The following ZNF493 variants were observed in gnomAD, a reference collection of about 807,000 sequenced individuals.
ZNF493 encodes zinc finger protein 493.
A neutral mutation model predicts 12.2 loss-of-function variants in ZNF493; 11 were observed. The observed-to-expected ratio is 0.90, with a 90% CI of 0.57 to 1.50. The LOEUF is 1.50. ZNF493 is among the 40% of genes most tolerant of loss of function. The probability of loss-of-function intolerance (pLI) is 0.00; values close to 1 mark genes in which losing one functional copy is unlikely to be tolerated. For missense variants in ZNF493, 950 were observed against 906.6 expected (o/e 1.05, Z -0.61); for synonymous variants, 286 against 302.6 (o/e 0.95, Z 0.57).
At chr19:21,417,667 A>G (rs1056758900) in intron 3 of ZNF493, among the ~76,000 whole-genome samples, 5 of 152,146 alleles carry the variant, frequency 3.3e-5, no homozygotes, top group African/African-American at 7.2e-5. Flanking sequence ...ATCATCCTGC[A>G]TGACCAGTTG....
intron 1 of ZNF493, among the ~76,000 whole-genome samples, chr19:21,402,792 C>T (rs983463518): frequency 2.6e-5 from 4 of 152,146 alleles, no homozygotes; most frequent in African/African-American, 9.7e-5. Context: ...ATGACAGAAT[C>T]TATAAGTGTA....
At chr19:21,421,400 T>C (rs2030675089) in intron 3 of ZNF493, among the ~76,000 whole-genome samples, 1 of 152,096 alleles carries the variant, frequency 6.6e-6, no homozygotes, top group Non-Finnish European at 1.5e-5. Context: ...AGTTTTGCAC[T>C]TGTTGCCCAG....
At chr19:21,412,587 T>G (rs2030360229) in intron 3 of ZNF493, 1 of 157,966 alleles carries the variant, frequency 6.3e-6, no homozygotes, top group South Asian at 1.7e-4. Flanking sequence ...GGTGAGCTAC[T>G]TCTCGCAGGA....
In ZNF493 at chr19:21,425,863, G is replaced by A; in HGVS notation, c.*879G>A. ...TGGAGAGAAACCATACAACTGTGAAGAATGTGGCAAAGCTTTTAACCAGTC... is the reference window on the plus strand; with the variant it reads ...TGGAGAGAAACCATACAACTGTGAAAAATGTGGCAAAGCTTTTAACCAGTC... On this transcript the variant is annotated 3_prime_UTR_variant, in exon 4 of 4. Coordinates refer to ENST00000392288, the MANE Select transcript of ZNF493 (RefSeq NM_001076678.3). 3.4e-6 allele frequency: 2 copies of A among 581,364 alleles called. No homozygotes were observed. Among genetic ancestry groups the A allele is most frequent in the Non-Finnish European group, 6.6e-6 (2 of 302,740 alleles). 36.0% of individuals were successfully genotyped at this position (581,364 alleles called of 1,614,324 possible). A position where few individuals can be genotyped will look rare whatever the true frequency, so the allele number is the denominator to read the frequency against.
chr19:21,403,397 G>A (rs775375186), intron 1 of ZNF493, among the ~76,000 whole-genome samples: 7 of 152,202 alleles, frequency 4.6e-5, no homozygotes, highest in Non-Finnish European at 7.3e-5. Context: ...TTTGTGGCAA[G>A]GGCAGGCACA....
chr19:21,397,847 T>A (rs896731273), intron 1 of ZNF493: 1 of 157,078 alleles, frequency 6.4e-6, no homozygotes, highest in African/African-American at 2.4e-5. Context: ...ACATGGTTTC[T>A]TAATATGTGC....
intron 3 of ZNF493, among the ~76,000 whole-genome samples, chr19:21,421,315 TTGAG>T (rs1245414651): frequency 6.6e-6 from 1 of 152,154 alleles, no homozygotes; most frequent in East Asian, 1.9e-4. Context: ...ATTTCACTCA[TTGAG>T]TGTTACTGAA....
chr19:21,415,637 A>C (rs1479504283), intron 3 of ZNF493, among the ~76,000 whole-genome samples: 1 of 152,224 alleles, frequency 6.6e-6, no homozygotes, highest in Non-Finnish European at 1.5e-5. Flanking sequence ...TGAATAATGT[A>C]ACACTGTGAA....
intron 3 of ZNF493, among the ~76,000 whole-genome samples, chr19:21,411,747 A>T (rs763497916): frequency 3.4e-5 from 5 of 146,706 alleles, no homozygotes; most frequent in Admixed American, 7.1e-5. Flanking sequence ...ATGTTTTTGC[A>T]ATAAAACTGT....
rs746447403 is a variant in ZNF493, at chr19:21,425,097, C to T, written c.*113C>T. 7.9e-7 allele frequency: 1 copy of T among 1,261,868 alleles called. No individual in the cohort carries two copies. 78.2% of individuals were successfully genotyped at this position (1,261,868 alleles called of 1,614,324 possible). A position where few individuals can be genotyped will look rare whatever the true frequency, so the allele number is the denominator to read the frequency against. The stretch of plus-strand genomic sequence containing the variant: ...TAAGATAATTAATGCTGGAGAGAAA[C>T]CCTACAAATGTGAAGAATGTGGCAA... On this transcript the variant is annotated 3_prime_UTR_variant, in exon 4 of 4. Transcript: ENST00000392288.
At chr19:21,403,865 A>G (rs2030030532) in intron 1 of ZNF493, among the ~76,000 whole-genome samples, 1 of 151,678 alleles carries the variant, frequency 6.6e-6, no homozygotes, top group African/African-American at 2.4e-5. Context: ...CCTTCTCTAC[A>G]CTCTCTAAAT....
At chr19:21,415,020 A>C (rs1306065603) in intron 3 of ZNF493, among the ~76,000 whole-genome samples, 1 of 152,180 alleles carries the variant, frequency 6.6e-6, no homozygotes, top group African/African-American at 2.4e-5. Context: ...TTCCAGGATC[A>C]TATCTGTGTA....
intron 3 of ZNF493, among the ~76,000 whole-genome samples, chr19:21,416,208 GTT>G (rs969362115): frequency 1.6e-4 from 25 of 152,230 alleles, no homozygotes; most frequent in African/African-American, 6.0e-4. Context: ...CGGGAACTCT[GTT>G]TTTCCGCTGG....
In ZNF493 at chr19:21,400,447, G is replaced by A. The variant is rs143871568; in HGVS notation, c.30+3180G>A. Among the ~76,000 whole-genome samples, 1,358 of 151,686 alleles carry A rather than the reference G, an allele frequency of 9.0e-3. 12 individuals carry two copies. Among genetic ancestry groups the A allele is most frequent in the Non-Finnish European group, 0.014 (953 of 67,858 alleles). On this transcript the variant is annotated intron_variant, in intron 1 of 3. Coordinates refer to ENST00000392288, the MANE Select transcript of ZNF493 (RefSeq NM_001076678.3). ...TAAGCACCTTAAAATTTTTTTTCCCGTATGTGAACACTGTGTTTCAGTAAT... is the reference window on the plus strand; with the variant it reads ...TAAGCACCTTAAAATTTTTTTTCCCATATGTGAACACTGTGTTTCAGTAAT...
chr19:21,402,474 G>A (rs2029981028), intron 1 of ZNF493, among the ~76,000 whole-genome samples: 1 of 152,094 alleles, frequency 6.6e-6, no homozygotes, highest in Non-Finnish European at 1.5e-5. Context: ...TGGGCTAGAG[G>A]AGCCTCTATG....
chr19:21,400,787 C>T (rs1208504519), intron 1 of ZNF493, among the ~76,000 whole-genome samples: 1 of 152,148 alleles, frequency 6.6e-6, no homozygotes, highest in Non-Finnish European at 1.5e-5. Flanking sequence ...TATTGTACAT[C>T]AGGGATGCTA....
chr19:21,423,108 A>G lies in ZNF493; in HGVS notation c.449A>G (p.Gln150Arg). ...CTAAACCAGTATTTGACAACTACCC[A>G]GAGCAAAATATTTCAATGTGATAAA... The part of the protein sequence containing the change: ...NELNQYLTTT[Q>R]SKIFQCDKYV... Residue 150 changes from glutamine to arginine, a missense_variant, in exon 4 of 4, where the codon CAG (glutamine) becomes CGG (arginine). Transcript: ENST00000392288. 1 of 1,613,776 alleles carries G rather than the reference A, an allele frequency of 6.2e-7. No homozygotes were observed. The highest frequency in any genetic ancestry group is 1.3e-5 in the African/African-American group (1 of 75,048).
chr19:21,405,641 A>G (rs746944847), intron 2 of ZNF493, 120 bp from the exon 3 acceptor site: 1 of 1,096,884 alleles, frequency 9.1e-7, no homozygotes, highest in Non-Finnish European at 1.2e-6. Context: ...CTGTCATTAA[A>G]TAGTATTTTG....
chr19:21,402,251 G>C (rs1192044568), intron 1 of ZNF493, among the ~76,000 whole-genome samples: 1 of 152,204 alleles, frequency 6.6e-6, no homozygotes, highest in African/African-American at 2.4e-5. Flanking sequence ...ACAGGCATGA[G>C]CCACCATGCC....
Sources: gnomAD v4.1 joint callset for allele counts (sites outside exome capture counted in the v4.1 genomes callset) on GRCh38, gnomAD v4.1.1 for gene constraint, MANE v1.5 for transcripts, NCBI Gene and HGNC (gene_info 2026-07-23, HGNC 2026-07-21) for gene names.